The following SNX29 variants were observed in gnomAD, a reference collection of about 807,000 sequenced individuals.
SNX29 encodes the protein sorting nexin 29, also known as sorting nexin-29.
In SNX29, 78 loss-of-function variants were observed where a neutral mutation model predicts 102.1. The observed-to-expected ratio is 0.76, with a 90% CI of 0.64 to 0.92. The LOEUF is 0.92. SNX29 is among the 40% of genes least tolerant of loss of function. The pLI is 0.00. For missense variants in SNX29, 1,280 were observed against 1,061.7 expected, an observed-to-expected ratio of 1.21 and a Z score of -2.86; for synonymous variants, 580 against 414.5, an observed-to-expected ratio of 1.40 and a Z score of -4.85.
intron 20 of SNX29, among the ~76,000 whole-genome samples, chr16:12,564,816 C>G (rs188144194): frequency 1.3e-5 from 2 of 151,510 alleles, no homozygotes; most frequent in Non-Finnish European, 2.9e-5. Context: ...CCAGAAGTCT[C>G]GGTGGTACAC....
intron 14 of SNX29, among the ~76,000 whole-genome samples, chr16:12,202,540 G>A (rs1445616740): frequency 1.3e-5 from 2 of 152,190 alleles, no homozygotes; most frequent in Non-Finnish European, 2.9e-5. Flanking sequence ...TATCTACCAG[G>A]AACTTGCCTG....
At chr16:12,247,089 C>G (rs1243160835) in intron 14 of SNX29, among the ~76,000 whole-genome samples, 2 of 152,112 alleles carry the variant, frequency 1.3e-5, no homozygotes, top group Non-Finnish European at 2.9e-5. Flanking sequence ...TTGAAGAGTC[C>G]TAAACTGAGG....
At chr16:12,245,225 G>A (rs765592763) in intron 14 of SNX29, among the ~76,000 whole-genome samples, 1 of 152,114 alleles carries the variant, frequency 6.6e-6, no homozygotes, top group Non-Finnish European at 1.5e-5. Context: ...CTCCCTATGA[G>A]CTGTGTGACC....
chr16:12,420,663 G>GTTGA (rs1483309803), intron 18 of SNX29, among the ~76,000 whole-genome samples: 1 of 152,214 alleles, frequency 6.6e-6, no homozygotes, highest in East Asian at 1.9e-4. Context: ...ACCTCACAGA[G>GTTGA]TTGATATAAG....
intron 16 of SNX29, among the ~76,000 whole-genome samples, chr16:12,390,616 T>C (rs1219677494): frequency 6.6e-6 from 1 of 152,200 alleles, no homozygotes; most frequent in Non-Finnish European, 1.5e-5. Context: ...CAGCCCCTCA[T>C]TCTGGGCGAG....
At chr16:12,566,690 C>T (rs147926155) in intron 20 of SNX29, among the ~76,000 whole-genome samples, 118 of 28,372 alleles carry the variant, frequency 4.2e-3, no homozygotes, top group African/African-American at 0.013. Flanking sequence ...AGAGGCTCTT[C>T]GTAAGTGGGG....
intron 13 of SNX29, among the ~76,000 whole-genome samples, chr16:12,179,899 A>T (rs1238250264): frequency 6.6e-6 from 1 of 152,186 alleles, no homozygotes; most frequent in African/African-American, 2.4e-5. Flanking sequence ...TGCCCAAAGG[A>T]ACTCTTCTTT....
chr16:12,327,853 C>T (rs2081168118), intron 15 of SNX29, among the ~76,000 whole-genome samples: 1 of 152,128 alleles, frequency 6.6e-6, no homozygotes, highest in South Asian at 2.1e-4. Flanking sequence ...GGGATTAGGT[C>T]TGAGCATCAT....
intron 14 of SNX29, among the ~76,000 whole-genome samples, chr16:12,260,137 C>G (rs563277220): frequency 6.6e-5 from 10 of 152,318 alleles, no homozygotes; most frequent in African/African-American, 2.4e-4. Flanking sequence ...GGGAAGTGAG[C>G]TTTCAACGTG....
chr16:12,346,767 A>T (rs1046211803), intron 15 of SNX29, among the ~76,000 whole-genome samples: 2 of 151,972 alleles, frequency 1.3e-5, no homozygotes, highest in Non-Finnish European at 2.9e-5. Flanking sequence ...TAACATGGTC[A>T]TTTCTGTGGA....
At position 12,109,181 on chromosome 16, in the gene SNX29, G is replaced by A. The variant is rs937774017; in HGVS notation, c.1403-17452G>A. Among the ~76,000 whole-genome samples the A allele has an allele frequency of 8.2e-5, 12 of 146,338 alleles. No individual in the cohort carries two copies. In the South Asian group the frequency reaches 1.1e-3, roughly 14 times the overall value. On this transcript the variant is annotated intron_variant, in intron 11 of 20. Coordinates refer to ENST00000566228, the MANE Select transcript of SNX29 (RefSeq NM_032167.5). Reference sequence around the variant, plus strand: ...GAAAAGGAATTTATTTCTTAGAGTTGTGCAGGCTGAGAAGTCTAGAGTTGA... The same window carrying A: ...GAAAAGGAATTTATTTCTTAGAGTTATGCAGGCTGAGAAGTCTAGAGTTGA...
intron 11 of SNX29, among the ~76,000 whole-genome samples, chr16:12,122,925 C>G (rs2054039962): frequency 6.6e-6 from 1 of 152,122 alleles, no homozygotes; most frequent in Non-Finnish European, 1.5e-5. Flanking sequence ...CTCCCAGGTT[C>G]AAGCAATTCT....
At chr16:12,428,995 G>A (rs555645246) in intron 18 of SNX29, among the ~76,000 whole-genome samples, 52 of 152,192 alleles carry the variant, frequency 3.4e-4, no homozygotes, top group African/African-American at 1.2e-3. Flanking sequence ...GTTCTTTCTA[G>A]TTAGTCCCAA....
chr16:12,547,094 G>T (rs192205025), intron 20 of SNX29, among the ~76,000 whole-genome samples: 1 of 152,198 alleles, frequency 6.6e-6, no homozygotes, highest in Non-Finnish European at 1.5e-5. Context: ...GTGAGGTGGC[G>T]ATTTCCAGTG....
intron 15 of SNX29, among the ~76,000 whole-genome samples, chr16:12,287,927 C>T (rs2079652205): frequency 1.3e-5 from 2 of 152,156 alleles, no homozygotes; most frequent in African/African-American, 4.8e-5. Context: ...ATGTGTGGTA[C>T]TTGGTGACCT....
chr16:12,553,755 G>C (rs946991729), intron 20 of SNX29, among the ~76,000 whole-genome samples: 6 of 151,878 alleles, frequency 4.0e-5, no homozygotes, highest in Non-Finnish European at 7.4e-5. Flanking sequence ...CCCCAGCCTA[G>C]TTTTTTTCCT....
intron 15 of SNX29, among the ~76,000 whole-genome samples, chr16:12,283,131 T>G (rs2151030811): frequency 6.6e-6 from 1 of 152,228 alleles, no homozygotes; most frequent in South Asian, 2.1e-4. Context: ...GCCAACTCAA[T>G]TTGTGCACAT....
At chr16:12,467,483 C>T (rs764363622) in intron 18 of SNX29, among the ~76,000 whole-genome samples, 1 of 152,200 alleles carries the variant, frequency 6.6e-6, no homozygotes, top group African/African-American at 2.4e-5. Flanking sequence ...ACACGGGTGA[C>T]TTCCTGCTTC....
chr16:12,465,729 A>G (rs569590018), intron 18 of SNX29, among the ~76,000 whole-genome samples: 48 of 152,052 alleles, frequency 3.2e-4, no homozygotes, highest in Non-Finnish European at 5.4e-4. Context: ...TCTTGTATTT[A>G]TGTGAAATGT....
Sources: gnomAD v4.1 joint callset for allele counts (sites outside exome capture counted in the v4.1 genomes callset) on GRCh38, gnomAD v4.1.1 for gene constraint, MANE v1.5 for transcripts, NCBI Gene and HGNC (gene_info 2026-07-23, HGNC 2026-07-21) for gene names.